Variants in CYSLTR2 observed in about 807,000 individuals in gnomAD.
CYSLTR2 encodes G-protein coupled receptor GPCR21.
For missense variants in CYSLTR2, 398 were observed against 411.9 expected (o/e 0.97, Z 0.29); for synonymous variants, 179 against 160.8 (o/e 1.11, Z -0.86).
intron 1 of CYSLTR2, among the ~76,000 whole-genome samples, chr13:48,654,306 AGTGTGT>A (rs372670890): frequency 4.9e-5 from 2 of 40,572 alleles, no homozygotes; most frequent in Non-Finnish European, 9.3e-5. Context: ...TGTGTGTGTG[AGTGTGT>A]GTGTGTGTGT....
At chr13:48,703,807 T>C (rs1954412097) in intron 4 of CYSLTR2, among the ~76,000 whole-genome samples, 1 of 152,236 alleles carries the variant, frequency 6.6e-6, no homozygotes, top group Non-Finnish European at 1.5e-5. Flanking sequence ...GAATTGGTGT[T>C]AATTCTTATT....
At chr13:48,667,816 A>G (rs75616615) in intron 1 of CYSLTR2, among the ~76,000 whole-genome samples, 9,137 of 152,286 alleles carry the variant, frequency 0.06, 323 homozygotes, top group African/African-American at 0.079. Context: ...AGATAAACAT[A>G]CAGTACTATT....
intron 3 of CYSLTR2, chr13:48,694,925 T>A (rs1343729052): frequency 6.6e-6 from 1 of 152,116 alleles, no homozygotes; most frequent in Admixed American, 6.5e-5. Context: ...CAGGGTATTC[T>A]GTTCAAGCCA....
intron 2 of CYSLTR2, 44 bp downstream of exon 2, chr13:48,691,345 G>A (rs969382529): frequency 1.3e-5 from 2 of 152,026 alleles, no homozygotes; most frequent in African/African-American, 4.8e-5. Context: ...AAGGAAAGAG[G>A]GTCACTGGGT....
chr13:48,707,889 C>T lies in CYSLTR2; in HGVS notation c.*31C>T, dbSNP rs181979553. On this transcript the variant is annotated 3_prime_UTR_variant, in exon 5 of 5. Coordinates refer to ENST00000682523, the MANE Select transcript of CYSLTR2 (RefSeq NM_001308476.3). ...TCTTAGATGAGACCTGTTCTTGTAT[C>T]CTTGTGTCCATCTTCATTCACTCAT... The T allele has an allele frequency of 3.5e-5, 52 of 1,472,778 alleles. No individual in the cohort carries two copies. In the African/African-American group the frequency reaches 6.7e-4, roughly 19 times the overall value. The allele number at this position is 1,472,778 out of a possible 1,614,324, so 91.2% of individuals were successfully genotyped here. A position where few individuals can be genotyped will look rare whatever the true frequency, so the allele number is the denominator to read the frequency against.
chr13:48,674,376 C>G (rs571634086), intron 1 of CYSLTR2, among the ~76,000 whole-genome samples: 1 of 152,272 alleles, frequency 6.6e-6, no homozygotes, highest in African/African-American at 2.4e-5. Context: ...AGTAGATCTT[C>G]AATCTCTGAT....
intron 1 of CYSLTR2, among the ~76,000 whole-genome samples, chr13:48,682,448 C>T (rs903209715): frequency 6.6e-6 from 1 of 152,118 alleles, no homozygotes; most frequent in Non-Finnish European, 1.5e-5. Context: ...TGACCTGTCT[C>T]CTTAGTTCTA....
intron 1 of CYSLTR2, among the ~76,000 whole-genome samples, chr13:48,668,901 T>C (rs923572231): frequency 6.6e-6 from 1 of 152,174 alleles, no homozygotes; most frequent in Non-Finnish European, 1.5e-5. Context: ...AGAATGATAG[T>C]TTCCAGCTTC....
intron 4 of CYSLTR2, among the ~76,000 whole-genome samples, 171 bp downstream of exon 4, chr13:48,696,797 G>A (rs1311331455): frequency 3.3e-5 from 5 of 152,112 alleles, no homozygotes; most frequent in African/African-American, 1.2e-4. Flanking sequence ...CCCTAATACT[G>A]TGCTTTTCCA....
chr13:48,699,379 G>A (rs1566104067), intron 4 of CYSLTR2, among the ~76,000 whole-genome samples: 1 of 152,172 alleles, frequency 6.6e-6, no homozygotes, highest in East Asian at 1.9e-4. Flanking sequence ...TCAAAACTTC[G>A]CAACTACGTG....
At chr13:48,677,190 A>G (rs1953619712) in intron 1 of CYSLTR2, among the ~76,000 whole-genome samples, 1 of 152,188 alleles carries the variant, frequency 6.6e-6, no homozygotes, top group Non-Finnish European at 1.5e-5. Context: ...CTGAAAAGGA[A>G]GTTTGAGAAG....
At chr13:48,683,371 C>T (rs1219270782) in intron 1 of CYSLTR2, among the ~76,000 whole-genome samples, 5 of 152,204 alleles carry the variant, frequency 3.3e-5, no homozygotes, top group Admixed American at 1.3e-4. Flanking sequence ...TTTCTTTTCT[C>T]TGCAACCTTG....
In CYSLTR2 at chr13:48,674,401, T is replaced by C. The variant is rs1953539057; in HGVS notation, c.-265-16811T>C. 2.0e-5 allele frequency among the ~76,000 whole-genome samples: 3 copies of C among 152,340 alleles called. No homozygotes were observed. In the South Asian group the frequency reaches 6.2e-4, roughly 32 times the overall value. On this transcript the variant is annotated intron_variant, in intron 1 of 4. Transcript: ENST00000682523. ...CAATCTCTGATATCCTTTCTTCCAT[T>C]TGATCGATTCTGCTATTGATACTTG...
intron 4 of CYSLTR2, among the ~76,000 whole-genome samples, chr13:48,697,367 G>T (rs1451965875): frequency 6.6e-6 from 1 of 152,168 alleles, no homozygotes; most frequent in East Asian, 1.9e-4. Context: ...TTGCTGTTCT[G>T]CCGCTTCCAC....
intron 1 of CYSLTR2, among the ~76,000 whole-genome samples, chr13:48,660,489 AAAAATCAGTGCAGC>A (rs1376198923): frequency 6.6e-6 from 1 of 152,174 alleles, no homozygotes; most frequent in Non-Finnish European, 1.5e-5. Flanking sequence ...CGGGTAGAGG[AAAAATCAGTGCAGC>A]AAAATTCTCC....
chr13:48,707,806 C>A lies in CYSLTR2; in HGVS notation c.989C>A (p.Thr330Lys), dbSNP rs1480572281. ...LRKGHPQKAK[T>K]KCVFPVSVWL... The stretch of plus-strand genomic sequence containing the variant: ...AAAGGCCATCCACAGAAGGCAAAGA[C>A]AAAGTGTGTTTTCCCTGTTAGTGTG... The change falls in exon 5 of 5, where the codon ACA becomes AAA. Residue 330 changes from threonine to lysine, a missense_variant. Coordinates refer to ENST00000682523, the MANE Select transcript of CYSLTR2 (RefSeq NM_001308476.3). The A allele has an allele frequency of 3.2e-6, 5 of 1,552,208 alleles. No homozygotes were observed. Among genetic ancestry groups the A allele is most frequent in the Non-Finnish European group, 4.3e-6 (5 of 1,150,868 alleles).
chr13:48,678,572 A>G (rs532875851), intron 1 of CYSLTR2, among the ~76,000 whole-genome samples: 31 of 152,148 alleles, frequency 2.0e-4, no homozygotes, highest in African/African-American at 6.7e-4. Context: ...TGACAGCCTT[A>G]CATTTATCAG....
At chr13:48,670,466 G>C (rs545244024) in intron 1 of CYSLTR2, among the ~76,000 whole-genome samples, 1 of 152,124 alleles carries the variant, frequency 6.6e-6, no homozygotes, top group Non-Finnish European at 1.5e-5. Context: ...AAGGTGTAAG[G>C]GAGGGGCTCA....
chr13:48,658,979 G>C (rs1375556952), intron 1 of CYSLTR2, among the ~76,000 whole-genome samples: 1 of 152,152 alleles, frequency 6.6e-6, no homozygotes, highest in Non-Finnish European at 1.5e-5. Context: ...AGTGGAGATA[G>C]GGAGCCATTG....
Sources: gnomAD v4.1 joint callset for allele counts (sites outside exome capture counted in the v4.1 genomes callset) on GRCh38, gnomAD v4.1.1 for gene constraint, MANE v1.5 for transcripts, NCBI Gene and HGNC (gene_info 2026-07-23, HGNC 2026-07-21) for gene names.